Variants in ANGPT2 observed in about 807,000 individuals in gnomAD.
The protein encoded by ANGPT2 is angiopoietin-2.
ANGPT2 carries 28 observed loss-of-function variants against 62.9 expected under a neutral mutation model. The observed-to-expected ratio is 0.44, with a 90% CI of 0.33 to 0.61. The LOEUF is 0.61. Ranked by LOEUF, ANGPT2 falls within the 20% of genes least tolerant of loss-of-function variation. The probability of loss-of-function intolerance (pLI) is 0.03; values close to 1 mark genes in which losing one functional copy is unlikely to be tolerated. For missense variants in ANGPT2, 727 were observed against 594.9 expected (o/e 1.22, Z -2.31); for synonymous variants, 284 against 207.8 (o/e 1.37, Z -3.15).
At position 6,502,898 on chromosome 8, in the gene ANGPT2, A is replaced by C; in HGVS notation, c.*203T>G. On this transcript the variant is annotated 3_prime_UTR_variant, in exon 9 of 9. Transcript: ENST00000629816. ...TGTCTAATCACAATTATGGATGTTT[A>C]GGGTCTTGCTTTGGTCCGTTAAGTG... 1 of 565,076 alleles carries C rather than the reference A, an allele frequency of 1.8e-6. No individual in the cohort carries two copies. Among genetic ancestry groups the C allele is most frequent in the Non-Finnish European group, 3.1e-6 (1 of 323,910 alleles). 35.0% of individuals were successfully genotyped at this position (565,076 alleles called of 1,614,324 possible).
At chr8:6,529,623 ATTTTTTTTT>A (rs35322987) in intron 2 of ANGPT2, among the ~76,000 whole-genome samples, 1 of 120,976 alleles carries the variant, frequency 8.3e-6, no homozygotes, top group Non-Finnish European at 1.7e-5. Context: ...CGCCTGGCTA[ATTTTTTTTT>A]TTTTTTTTTT....
chr8:6,544,661 T>C (rs1237806606), intron 1 of ANGPT2, among the ~76,000 whole-genome samples: 1 of 152,156 alleles, frequency 6.6e-6, no homozygotes, highest in Non-Finnish European at 1.5e-5. Flanking sequence ...CATATTTTAT[T>C]TCTATAGGAT....
chr8:6,530,758 G>A lies in ANGPT2; in HGVS notation c.444+1574C>T, dbSNP rs75508285. 2.8e-4 allele frequency among the ~76,000 whole-genome samples: 43 copies of A among 152,260 alleles called. No individual in the cohort carries two copies. The East Asian group carries it at 6.9e-3, about 25-fold the overall frequency. On this transcript the variant is annotated intron_variant, in intron 2 of 8. Coordinates refer to ENST00000629816, the MANE Select transcript of ANGPT2 (RefSeq NM_001118887.2). ...AATTTGTTATTCTATTCTCTTATCT[G>A]TAAGTCTTTTGTTAATCTATCATTT...
chr8:6,510,366 G>T (rs952025682), intron 7 of ANGPT2, among the ~76,000 whole-genome samples: 3 of 152,166 alleles, frequency 2.0e-5, no homozygotes, highest in East Asian at 3.9e-4. Flanking sequence ...ATGGTGGCAG[G>T]AGAAGTGTAC....
At chr8:6,505,622 T>G (rs1302976641) in intron 8 of ANGPT2, among the ~76,000 whole-genome samples, 1 of 129,096 alleles carries the variant, frequency 7.7e-6, no homozygotes, top group Non-Finnish European at 1.6e-5. Flanking sequence ...TTTATATATT[T>G]ATATATGAAT....
At chr8:6,511,378 C>G (rs1424101619) in intron 7 of ANGPT2, among the ~76,000 whole-genome samples, 1 of 151,832 alleles carries the variant, frequency 6.6e-6, no homozygotes, top group South Asian at 2.1e-4. Flanking sequence ...ACAATTAAAC[C>G]TCAGTGTTAT....
At chr8:6,508,475 T>C in intron 8 of ANGPT2, 1 of 185,008 alleles carries the variant, frequency 5.4e-6, no homozygotes, top group African/African-American at 2.4e-5. Flanking sequence ...ACTGTGTCTG[T>C]AAATAAATAA....
At chr8:6,509,284 C>G (rs915562339) in intron 7 of ANGPT2, among the ~76,000 whole-genome samples, 1 of 152,030 alleles carries the variant, frequency 6.6e-6, no homozygotes, top group African/African-American at 2.4e-5. Context: ...ACCTTCAACA[C>G]ATATCACTTG....
At chr8:6,525,552 C>T (rs973320309) in intron 3 of ANGPT2, among the ~76,000 whole-genome samples, 4 of 152,142 alleles carry the variant, frequency 2.6e-5, no homozygotes, top group Admixed American at 6.5e-5. Flanking sequence ...ATAAAGAAAG[C>T]AATTGCACTT....
At chr8:6,525,670 A>AT (rs145877994) in intron 3 of ANGPT2, among the ~76,000 whole-genome samples, 12,724 of 152,300 alleles carry the variant, frequency 0.084, 698 homozygotes, top group African/African-American at 0.15. Context: ...GCCAGTCAGA[A>AT]TTAAGGTAGA....
chr8:6,515,431 G>T (rs867311072), intron 5 of ANGPT2, among the ~76,000 whole-genome samples: 6 of 152,144 alleles, frequency 3.9e-5, no homozygotes, highest in Admixed American at 2.6e-4. Flanking sequence ...GGCCTCAAGG[G>T]CATGACTTCA....
Position 6,499,989 on chromosome 8 carries a change from T to C in ANGPT2, c.*3112A>G. 3 of 1,430,596 alleles carry C rather than the reference T, an allele frequency of 2.1e-6. No individual in the cohort carries two copies. Among genetic ancestry groups the C allele is most frequent in the Non-Finnish European group, 3.0e-6 (3 of 1,013,762 alleles). 88.6% of individuals were successfully genotyped at this position (1,430,596 alleles called of 1,614,324 possible). The stretch of plus-strand genomic sequence containing the variant: ...GTTTGCTGTTCTCAAGAAATTATTA[T>C]AAACATAAGGGTGGACTTAAGTTTT... On this transcript the variant is annotated 3_prime_UTR_variant, in exon 9 of 9. Coordinates refer to ENST00000629816, the MANE Select transcript of ANGPT2 (RefSeq NM_001118887.2).
intron 7 of ANGPT2, among the ~76,000 whole-genome samples, chr8:6,510,826 A>G (rs1814909231): frequency 6.6e-6 from 1 of 152,372 alleles, no homozygotes; most frequent in Admixed American, 6.5e-5. Context: ...TTCAGTATTA[A>G]GGCAGCCCTA....
chr8:6,540,077 A>G (rs1021613436), intron 1 of ANGPT2, among the ~76,000 whole-genome samples: 69 of 152,200 alleles, frequency 4.5e-4, no homozygotes, highest in Non-Finnish European at 1.5e-5. Flanking sequence ...CCTCCTGTGG[A>G]TAGGTACACC....
chr8:6,532,455 T>C lies in ANGPT2; in HGVS notation c.321A>G (p.Lys107=), dbSNP rs1295972888. The C allele has an allele frequency of 1.9e-6, 3 of 1,613,836 alleles. No homozygotes were observed. The highest frequency in any genetic ancestry group is 2.5e-6 in the Non-Finnish European group (3 of 1,179,952). Residue 107 remains lysine (K), a synonymous_variant, in exon 2 of 9, where the codon AAA becomes AAG. Coordinates refer to ENST00000629816, the MANE Select transcript of ANGPT2 (RefSeq NM_001118887.2). ...LENYIQDNMK[K]EMVEIQQNAV... is the part of the protein sequence containing the mutation. ...CATTCTGCTGTATCTCTACCATTTC[T>C]TTCTTCATGTTGTCCTGGATATAAT... is the stretch of plus-strand genomic sequence containing the variant.
chr8:6,558,820 G>A (rs1260444534), intron 1 of ANGPT2, among the ~76,000 whole-genome samples: 1 of 151,870 alleles, frequency 6.6e-6, no homozygotes, highest in Non-Finnish European at 1.5e-5. Flanking sequence ...TATGATATAT[G>A]TATAATATAT....
At chr8:6,516,626 T>C (rs1816323444) in intron 5 of ANGPT2, among the ~76,000 whole-genome samples, 1 of 152,214 alleles carries the variant, frequency 6.6e-6, no homozygotes, top group Non-Finnish European at 1.5e-5. Context: ...TTTTTAAAAA[T>C]CTATTTCATA....
intron 1 of ANGPT2, among the ~76,000 whole-genome samples, chr8:6,557,263 G>A (rs569700990): frequency 6.6e-6 from 1 of 152,254 alleles, no homozygotes; most frequent in Admixed American, 6.5e-5. Flanking sequence ...GGGTACTGGT[G>A]TTAGCATGCC....
intron 5 of ANGPT2, among the ~76,000 whole-genome samples, chr8:6,519,329 A>T (rs1816868129): frequency 6.6e-6 from 1 of 152,206 alleles, no homozygotes; most frequent in Non-Finnish European, 1.5e-5. Flanking sequence ...AGCAAAAACC[A>T]TGGTGGGTAA....
Sources: allele counts gnomAD v4.1 joint callset (sites outside exome capture counted in the v4.1 genomes callset), GRCh38; gene constraint gnomAD v4.1.1; transcripts MANE v1.5; gene names NCBI Gene and HGNC (gene_info 2026-07-23, HGNC 2026-07-21).